PTPRH: variants seen among roughly 807,000 people sequenced by gnomAD.
The protein encoded by PTPRH is protein tyrosine phosphatase receptor type H.
PTPRH carries 113 observed loss-of-function variants against 130.2 expected under a neutral mutation model. The ratio of observed to expected loss-of-function variants is 0.87; its 90% confidence interval spans 0.75 to 1.01. The LOEUF is 1.01. PTPRH is among the 50% of genes least tolerant of loss of function. The probability of loss-of-function intolerance (pLI) is 0.00; values close to 1 mark genes in which losing one functional copy is unlikely to be tolerated. For missense variants in PTPRH, 1,430 were observed against 1,425.0 expected, an observed-to-expected ratio of 1.00 and a Z score of -0.06; for synonymous variants, 556 against 577.9, an observed-to-expected ratio of 0.96 and a Z score of 0.54.
chr19:55,200,350 T>C lies in PTPRH; in HGVS notation c.1306A>G (p.Thr436Ala). The C allele has an allele frequency of 6.2e-7, 1 of 1,614,146 alleles. No homozygotes were observed. Among genetic ancestry groups the C allele is most frequent in the Non-Finnish European group, 8.5e-7 (1 of 1,180,022 alleles). ...DGGGTETRNT[T>A]NTSVTAERLE... ...CTCTCAGCTGTCACACTGGTATTTGTTGTGTTTCGGGTCTCTGTGCCACCA... is the reference window on the plus strand; with the variant it reads ...CTCTCAGCTGTCACACTGGTATTTGCTGTGTTTCGGGTCTCTGTGCCACCA... The change falls in exon 7 of 20, where the codon ACA becomes GCA. Residue 436 changes from threonine (T) to alanine (A), a missense_variant. Physicochemically the swap from Thr to Ala is moderately conservative, Grantham distance 58 (BLOSUM62 0). Coordinates refer to ENST00000376350, the MANE Select transcript of PTPRH (RefSeq NM_002842.5).
chr19:55,185,684 A>G (rs769011503), intron 17 of PTPRH, 22 bp from the exon 18 acceptor site: 45 of 1,611,854 alleles, frequency 2.8e-5, no homozygotes, highest in Non-Finnish European at 3.3e-5. Context: ...GAGCACTCAC[A>G]GGCTCTGGAG....
chr19:55,182,165 G>C lies in PTPRH; in HGVS notation c.3063-14C>G. The C allele has an allele frequency of 6.2e-7, 1 of 1,612,492 alleles. No individual in the cohort carries two copies. Among genetic ancestry groups the C allele is most frequent in the South Asian group, 1.1e-5 (1 of 91,070 alleles). The stretch of plus-strand genomic sequence containing the variant: ...CCCACGCCAGCACTAGGCAGAACAA[G>C]GGAAGGGTCAGACCAAGGGGCAGGA... On this transcript the variant is annotated splice_polypyrimidine_tract_variant and intron_variant, in intron 18 of 19. Transcript: ENST00000376350.
intron 6 of PTPRH, 70 bp downstream of exon 6, chr19:55,201,986 T>C: frequency 6.3e-7 from 1 of 1,579,606 alleles, no homozygotes. Context: ...GAATAGACAA[T>C]CGTCTACATT....
chr19:55,189,153 T>G (rs112938473), intron 12 of PTPRH, among the ~76,000 whole-genome samples: 115 of 152,184 alleles, frequency 7.6e-4, no homozygotes, highest in Middle Eastern at 6.8e-3. Flanking sequence ...GCCCGGCTAA[T>G]TTTTGTATTT....
chr19:55,185,752 G>A, intron 17 of PTPRH, 90 bp from the exon 18 acceptor site: 1 of 1,597,342 alleles, frequency 6.3e-7, no homozygotes, highest in African/African-American at 1.3e-5. Flanking sequence ...GGGGCACACT[G>A]CAGCTCCTCA....
chr19:55,196,874 G>A lies in PTPRH; in HGVS notation c.1991-86C>T, dbSNP rs1600040336. ...CCCTACCCCCAGTTTTCTGAGACGA[G>A]CCCATCCCTTCCTCGCCAAATCCAA... On this transcript the variant is annotated intron_variant, in intron 9 of 19. Transcript: ENST00000376350. 7.4e-6 allele frequency: 11 copies of A among 1,496,370 alleles called. No individual in the cohort carries two copies. In the East Asian group the frequency reaches 2.1e-4, roughly 28 times the overall value. 92.7% of individuals were successfully genotyped at this position (1,496,370 alleles called of 1,614,324 possible). A position where few individuals can be genotyped will look rare whatever the true frequency, so the allele number is the denominator to read the frequency against.
rs2086830316 is a variant in PTPRH at position 55,200,623 on chromosome 19, C to G, written c.1154-121G>C. 2.7e-6 allele frequency: 3 copies of G among 1,110,748 alleles called. No homozygotes were observed. In the South Asian group the frequency reaches 4.6e-5, roughly 17 times the overall value. The allele number at this position is 1,110,748 out of a possible 1,614,324, so 68.8% of individuals were successfully genotyped here. Reference sequence around the variant, plus strand: ...GTTCAACTGCTGGTGCCAGCAGATGCAGGGTGTATGTTCTAGACCGTGTTT... The same window carrying G: ...GTTCAACTGCTGGTGCCAGCAGATGGAGGGTGTATGTTCTAGACCGTGTTT... On this transcript the variant is annotated intron_variant, in intron 6 of 19. Transcript: ENST00000376350.
chr19:55,191,581 G>C lies in PTPRH; in HGVS notation c.2337-33C>G, dbSNP rs200203486. ...AAGGACGTTAGGATGAGAGGCTCAG[G>C]GGGTGAGGCTGCAACCAGCGGTCCT... On this transcript the variant is annotated intron_variant, in intron 11 of 19. Coordinates refer to ENST00000376350, the MANE Select transcript of PTPRH (RefSeq NM_002842.5). 149 of 1,613,692 alleles carry C rather than the reference G, an allele frequency of 9.2e-5. 1 individual carries two copies. In the South Asian group the frequency reaches 1.3e-3, roughly 14 times the overall value.
At chr19:55,203,586 T>A (rs570929286) in intron 5 of PTPRH, among the ~76,000 whole-genome samples, 196 bp downstream of exon 5, 35 of 151,452 alleles carry the variant, frequency 2.3e-4, no homozygotes, top group Non-Finnish European at 4.7e-4. Flanking sequence ...TACTTTTTTA[T>A]TTTTTTTGTA....
At chr19:55,191,601 G>T in intron 11 of PTPRH, 53 bp from the exon 12 acceptor site, 3 of 1,611,956 alleles carry the variant, frequency 1.9e-6, no homozygotes, top group Non-Finnish European at 2.5e-6. Context: ...TGCAACCAGC[G>T]GTCCTCCTCC....
chr19:55,186,056 A>T, intron 16 of PTPRH, 72 bp from the exon 17 acceptor site: 1 of 1,606,804 alleles, frequency 6.2e-7, no homozygotes, highest in Non-Finnish European at 8.5e-7. Flanking sequence ...TTAGGCCCCA[A>T]ATGTGAACCA....
rs543619518 is a variant in PTPRH, at chr19:55,209,406, C to G, written c.28G>C (p.Val10Leu). The change falls in exon 1 of 20, where the codon GTC (valine) becomes CTC (leucine). Residue 10 changes from valine (V) to leucine (L), a missense_variant. By Grantham distance (32) the Val-to-Leu change is conservative. Transcript: ENST00000376350. The surrounding 1 kb of genome is among the most constrained non-coding windows in gnomAD (Gnocchi z 4.1). MAGAGGGLG[V>L]WGNLVLLGLC... ...ACCAGCAGCACCAGGTTCCCCCAGA[C>G]CCCGAGGCCCCCGCCAGCCCCAGCC... 1.2e-5 allele frequency: 19 copies of G among 1,559,668 alleles called. No individual in the cohort carries two copies. Among genetic ancestry groups the G allele is most frequent in the East Asian group, 9.5e-5 (4 of 42,034 alleles).
chr19:55,194,051 T>C, intron 10 of PTPRH: 1 of 720,272 alleles, frequency 1.4e-6, no homozygotes, highest in Non-Finnish European at 2.0e-6. Flanking sequence ...GGTTTCTCCA[T>C]GTTCGTCAGG....
intron 5 of PTPRH, among the ~76,000 whole-genome samples, chr19:55,202,640 C>T (rs1600067867): frequency 6.6e-6 from 1 of 151,816 alleles, no homozygotes; most frequent in African/African-American, 2.4e-5. Context: ...TATATATACA[C>T]ACACATATAT....
intron 12 of PTPRH, 21 bp downstream of exon 12, chr19:55,191,479 AC>A (rs1279111965): frequency 1.9e-6 from 3 of 1,613,072 alleles, no homozygotes; most frequent in Non-Finnish European, 1.7e-6. Context: ...TTTCCAATGC[AC>A]CCCCCAGACC....
intron 10 of PTPRH, among the ~76,000 whole-genome samples, chr19:55,196,223 A>C (rs567408827): frequency 3.2e-4 from 48 of 152,126 alleles, no homozygotes; most frequent in African/African-American, 1.2e-3. Context: ...CTCCATCTCT[A>C]CTAAAAATCC....
At chr19:55,201,773 C>T (rs1176662901) in intron 6 of PTPRH, among the ~76,000 whole-genome samples, 1 of 152,220 alleles carries the variant, frequency 6.6e-6, no homozygotes, top group Non-Finnish European at 1.5e-5. Flanking sequence ...GGTAACATGC[C>T]TTGGCCCCTA....
At chr19:55,187,385 A>AT in intron 14 of PTPRH, 128 bp downstream of exon 14, 1 of 461,146 alleles carries the variant, frequency 2.2e-6, no homozygotes, top group East Asian at 3.9e-5. Flanking sequence ...AAAAAAAGGA[A>AT]GAAAAAAAAA....
chr19:55,189,174 C>T (rs1415145270), intron 12 of PTPRH, among the ~76,000 whole-genome samples: 2 of 151,938 alleles, frequency 1.3e-5, no homozygotes, highest in Non-Finnish European at 2.9e-5. Context: ...TTAGTAGAAA[C>T]GGGGTTTTGC....
Sources: allele counts gnomAD v4.1 joint callset (sites outside exome capture counted in the v4.1 genomes callset), GRCh38; gene constraint gnomAD v4.1.1; non-coding constraint Gnocchi (gnomAD v3.1); transcripts MANE v1.5; gene names NCBI Gene and HGNC (gene_info 2026-07-23, HGNC 2026-07-21).